Variants in CDH12 observed in about 807,000 individuals in gnomAD.
CDH12 encodes the protein cadherin 12, also known as cadherin-12.
In CDH12, 41 loss-of-function variants were observed where a neutral mutation model predicts 74.1. The ratio of observed to expected loss-of-function variants is 0.55; its 90% confidence interval spans 0.43 to 0.72. CDH12 has a LOEUF of 0.72. CDH12 is among the 30% of genes least tolerant of loss of function. The pLI, the probability that CDH12 is intolerant of heterozygous loss-of-function variation, is 0.00. For missense variants in CDH12, 945 were observed against 977.2 expected (o/e 0.97, Z 0.44); for synonymous variants, 399 against 355.0 (o/e 1.12, Z -1.39).
chr5:22,496,361 A>C (rs918460418), intron 2 of CDH12, among the ~76,000 whole-genome samples: 1 of 152,188 alleles, frequency 6.6e-6, no homozygotes, highest in Non-Finnish European at 1.5e-5. Flanking sequence ...TTCTAAGTTT[A>C]CATGTTCTAG....
chr5:22,424,002 C>CAAAAAAAAA (rs1165781089), intron 2 of CDH12, among the ~76,000 whole-genome samples: 98 of 31,228 alleles, frequency 3.1e-3, no homozygotes, highest in East Asian at 5.4e-3. Context: ...GACTCTGTCT[C>CAAAAAAAAA]AAAAAAAAAA....
chr5:22,734,673 T>A (rs1561611394), intron 1 of CDH12, among the ~76,000 whole-genome samples: 2 of 151,914 alleles, frequency 1.3e-5, no homozygotes, highest in Non-Finnish European at 2.9e-5. Flanking sequence ...GCCATTACCA[T>A]GAAAAAGAAT....
At chr5:22,700,582 T>C (rs1385906497) in intron 1 of CDH12, among the ~76,000 whole-genome samples, 2 of 152,234 alleles carry the variant, frequency 1.3e-5, no homozygotes, top group Admixed American at 6.5e-5. Flanking sequence ...GCAGAAACCG[T>C]GATAAGAAAA....
intron 3 of CDH12, among the ~76,000 whole-genome samples, chr5:22,231,070 C>A (rs962720085): frequency 6.6e-6 from 1 of 152,142 alleles, no homozygotes; most frequent in Admixed American, 6.6e-5. Flanking sequence ...TCTGATGACA[C>A]TGGCAATTGT....
At chr5:22,203,612 G>A (rs1751040819) in intron 4 of CDH12, among the ~76,000 whole-genome samples, 1 of 152,162 alleles carries the variant, frequency 6.6e-6, no homozygotes, top group African/African-American at 2.4e-5. Context: ...TACAGACCCA[G>A]CAATGGCATT....
At chr5:22,360,296 T>C (rs528739013) in intron 3 of CDH12, among the ~76,000 whole-genome samples, 1 of 152,244 alleles carries the variant, frequency 6.6e-6, no homozygotes, top group East Asian at 1.9e-4. Flanking sequence ...GAGAATACTA[T>C]AAACACCTCT....
Position 22,140,465 on chromosome 5 carries a change from C to T in CDH12, c.-186-61603G>A, listed in dbSNP as rs561055410. Among the ~76,000 whole-genome samples, 453 of 152,016 alleles carry T rather than the reference C, an allele frequency of 3.0e-3. 3 individuals are homozygous for T. The highest frequency in any genetic ancestry group is 0.01 in the African/African-American group (427 of 41,504). On this transcript the variant is annotated intron_variant, in intron 4 of 14. Coordinates refer to ENST00000382254, the MANE Select transcript of CDH12 (RefSeq NM_004061.5). ...GTAAAAAGAGAAGTAAGTTTCCTTT[C>T]GCATTCATCCAATCCTGTATATTTG...
intron 5 of CDH12, among the ~76,000 whole-genome samples, chr5:22,036,760 C>G (rs115867256): frequency 3.4e-4 from 52 of 152,136 alleles, no homozygotes; most frequent in Admixed American, 7.2e-4. Context: ...TTTTAAGACC[C>G]TATAAAGATT....
intron 6 of CDH12, among the ~76,000 whole-genome samples, chr5:21,890,838 T>C (rs1752865198): frequency 6.6e-6 from 1 of 152,096 alleles, no homozygotes; most frequent in African/African-American, 2.4e-5. Flanking sequence ...TAGTAAGTAG[T>C]ACTATTTAGA....
At chr5:22,052,909 T>C (rs1002753056) in intron 5 of CDH12, among the ~76,000 whole-genome samples, 1 of 152,096 alleles carries the variant, frequency 6.6e-6, no homozygotes, top group African/African-American at 2.4e-5. Context: ...GAATATATCA[T>C]TGTATATTTT....
chr5:22,461,030 C>CTCT (rs1745492140), intron 2 of CDH12, among the ~76,000 whole-genome samples: 1 of 63,562 alleles, frequency 1.6e-5, no homozygotes, highest in Non-Finnish European at 2.8e-5. Flanking sequence ...CAATGTCTAG[C>CTCT]TTTTTTTTTT....
chr5:21,915,542 T>C (rs1754047696), intron 6 of CDH12, among the ~76,000 whole-genome samples: 1 of 152,160 alleles, frequency 6.6e-6, no homozygotes, highest in South Asian at 2.1e-4. Context: ...GTGTAGATTA[T>C]ACATGCAGAT....
intron 3 of CDH12, among the ~76,000 whole-genome samples, chr5:22,216,799 A>G (rs1348402105): frequency 6.6e-6 from 1 of 151,958 alleles, no homozygotes; most frequent in Non-Finnish European, 1.5e-5. Context: ...GCTAAACTGG[A>G]TATCAGAAAA....
intron 1 of CDH12, among the ~76,000 whole-genome samples, chr5:22,769,472 T>C (rs1369250705): frequency 6.6e-6 from 1 of 152,114 alleles, no homozygotes; most frequent in Non-Finnish European, 1.5e-5. Flanking sequence ...GGCTGCACTG[T>C]TGGCTTCCCT....
chr5:22,322,958 C>T, intron 3 of CDH12, among the ~76,000 whole-genome samples: 1 of 152,066 alleles, frequency 6.6e-6, no homozygotes, highest in East Asian at 1.9e-4. Flanking sequence ...TATCAATCAC[C>T]CTAAAAGTGC....
intron 3 of CDH12, among the ~76,000 whole-genome samples, chr5:22,329,012 A>G (rs1296662537): frequency 6.6e-6 from 1 of 152,194 alleles, no homozygotes; most frequent in Admixed American, 6.5e-5. Context: ...GAAAGGCAAA[A>G]TAAACAAGAC....
intron 1 of CDH12, among the ~76,000 whole-genome samples, chr5:22,815,783 A>AAT (rs1554005545): frequency 2.1e-5 from 3 of 144,462 alleles, no homozygotes; most frequent in Non-Finnish European, 3.0e-5. Context: ...AAAAAAAAAA[A>AAT]AATAAATAAA....
At chr5:22,001,655 A>C (rs1217552635) in intron 5 of CDH12, among the ~76,000 whole-genome samples, 1 of 151,886 alleles carries the variant, frequency 6.6e-6, no homozygotes, top group Admixed American at 6.6e-5. Flanking sequence ...TCTGCCCTCG[A>C]GTAGGCCCTG....
intron 6 of CDH12, chr5:21,882,516 A>C: frequency 1.2e-6 from 1 of 830,214 alleles, no homozygotes; most frequent in South Asian, 1.4e-5. Context: ...GTGATATATT[A>C]GCACTCTGTC....
Sources: gnomAD v4.1 joint callset for allele counts (sites outside exome capture counted in the v4.1 genomes callset) on GRCh38, gnomAD v4.1.1 for gene constraint, MANE v1.5 for transcripts, NCBI Gene and HGNC (gene_info 2026-07-23, HGNC 2026-07-21) for gene names.